Variants in NRCAM observed in about 807,000 individuals in gnomAD.
NRCAM encodes the protein neuronal cell adhesion molecule, also known as NgCAM-related cell adhesion molecule.
A neutral mutation model predicts 156.5 loss-of-function variants in NRCAM; 83 were observed. The observed-to-expected ratio is 0.53, with a 90% CI of 0.44 to 0.64. NRCAM has a LOEUF of 0.64. NRCAM is among the 30% of genes least tolerant of loss of function. The pLI is 0.00. For missense variants in NRCAM, 1,417 were observed against 1,597.3 expected (o/e 0.89, Z 1.92); for synonymous variants, 538 against 563.9 (o/e 0.95, Z 0.65).
At chr7:108,453,508 A>G (rs922247073) in intron 1 of NRCAM, among the ~76,000 whole-genome samples, 1 of 152,204 alleles carries the variant, frequency 6.6e-6, no homozygotes, top group African/African-American at 2.4e-5. Context: ...TGTAAGGGCA[A>G]TGGCCTTCAG....
intron 9 of NRCAM, 56 bp downstream of exon 9, chr7:108,226,152 T>G: frequency 2.4e-6 from 3 of 1,250,678 alleles, no homozygotes; most frequent in Non-Finnish European, 3.3e-6. Context: ...GTTTCTATAT[T>G]TTGCACATAT....
At chr7:108,328,040 C>T (rs2154238290) in intron 2 of NRCAM, among the ~76,000 whole-genome samples, 1 of 152,320 alleles carries the variant, frequency 6.6e-6, no homozygotes, top group African/African-American at 2.4e-5. Flanking sequence ...AAAATTACAT[C>T]TTAACACACC....
At chr7:108,387,796 A>C (rs1227508689) in intron 2 of NRCAM, among the ~76,000 whole-genome samples, 2 of 148,038 alleles carry the variant, frequency 1.4e-5, no homozygotes, top group Non-Finnish European at 3.0e-5. Flanking sequence ...CCTATGAGTG[A>C]GAACATGCAG....
chr7:108,252,567 C>A (rs1478508367), intron 3 of NRCAM, among the ~76,000 whole-genome samples: 1 of 152,196 alleles, frequency 6.6e-6, no homozygotes, highest in Non-Finnish European at 1.5e-5. Context: ...CCAGAAATAG[C>A]TGCAGAAGGC....
Position 108,261,345 on chromosome 7 carries a change from G to A in NRCAM, c.-106-21175C>T, listed in dbSNP as rs141616516. Among the ~76,000 whole-genome samples, 45 of 152,250 alleles carry A rather than the reference G, an allele frequency of 3.0e-4. No homozygotes were observed. The Middle Eastern group carries it at 0.01, about 35-fold the overall frequency. ...TTTGTTTTCAGCATATATCACCACC[G>A]CCTAAGTTAGGTCTGTTGTCCAGTA... On this transcript the variant is annotated intron_variant, in intron 3 of 32. Coordinates refer to ENST00000379028, the MANE Select transcript of NRCAM (RefSeq NM_001037132.4).
rs1294887992 is a variant in NRCAM at position 108,406,005 on chromosome 7, C to G, written c.-331-6412G>C. ...AGAGATACTTTACAGTCTAAGAAGC[C>G]AGTCCCCAAGGGACTGCTGTGTTCC... is the stretch of plus-strand genomic sequence containing the variant. On this transcript the variant is annotated intron_variant, in intron 1 of 32. Coordinates refer to ENST00000379028, the MANE Select transcript of NRCAM (RefSeq NM_001037132.4). Among the ~76,000 whole-genome samples, 4 of 151,408 alleles carry G rather than the reference C, an allele frequency of 2.6e-5. No homozygotes were observed. In the East Asian group the frequency reaches 7.8e-4, roughly 29 times the overall value.
chr7:108,196,789 T>C (rs1022265072), intron 14 of NRCAM, among the ~76,000 whole-genome samples: 1 of 152,168 alleles, frequency 6.6e-6, no homozygotes, highest in South Asian at 2.1e-4. Context: ...TTATACTGTT[T>C]ATACTCAAAA....
intron 3 of NRCAM, among the ~76,000 whole-genome samples, chr7:108,261,934 G>T (rs75113824): frequency 3.9e-3 from 588 of 152,208 alleles, no homozygotes; most frequent in Non-Finnish European, 4.6e-3. Flanking sequence ...TCATCCCCTG[G>T]CAGACAGTTC....
intron 3 of NRCAM, among the ~76,000 whole-genome samples, chr7:108,310,362 A>G (rs1036706323): frequency 6.6e-6 from 1 of 152,210 alleles, no homozygotes; most frequent in Non-Finnish European, 1.5e-5. Context: ...CAAGGTTTTC[A>G]ATGCAGGTAG....
At chr7:108,318,671 G>A (rs572505621) in intron 2 of NRCAM, among the ~76,000 whole-genome samples, 2 of 152,232 alleles carry the variant, frequency 1.3e-5, no homozygotes, top group African/African-American at 4.8e-5. Context: ...TGTGGAGAAG[G>A]TGGTGATAAG....
chr7:108,198,093 G>A lies in NRCAM; in HGVS notation c.1214C>T (p.Pro405Leu), dbSNP rs559209446. The A allele has an allele frequency of 1.2e-5, 19 of 1,598,682 alleles. No homozygotes were observed. In the East Asian group the frequency reaches 4.1e-4, roughly 34 times the overall value. ...ATCTATTTTTCTGCTGGGGTCATCA[G>A]GGGCAACTGTTTGGATGTAAAAATA... ...LTNGVPIEIA[P>L]DDPSRKIDGD... The change falls in exon 14 of 33, where the codon CCT becomes CTT. Residue 405 changes from proline to leucine, a missense_variant. Pro to Leu is a moderately conservative substitution (Grantham distance 98). Around this residue, in one of 2 missense-constraint regions of NRCAM, gnomAD observed 1,238 missense variants for 1,336.4 expected, o/e 0.93. Transcript: ENST00000379028.
At position 108,175,333 on chromosome 7, in the gene NRCAM, C is replaced by T. The variant is rs371800533; in HGVS notation, c.3176G>A (p.Gly1059Asp). The change falls in exon 28 of 33, where the codon GGT becomes GAT. Residue 1059 changes from glycine to aspartate, a missense_variant. Around this residue, in one of 2 missense-constraint regions of NRCAM, gnomAD observed 1,238 missense variants for 1,336.4 expected, o/e 0.93. Transcript: ENST00000379028. ...DEAGILPPDVGAGKVQAVNPR... is the reference protein window; with the variant it reads ...DEAGILPPDVDAGKVQAVNPR... ...ATGAATTATTTTACCTTTGCCTGCA[C>T]CTACATCAGGTGGAAGAATACCAGC... 9 of 1,560,334 alleles carry T rather than the reference C, an allele frequency of 5.8e-6. No homozygotes were observed. Among genetic ancestry groups the T allele is most frequent in the Non-Finnish European group, 7.8e-6 (9 of 1,151,346 alleles).
intron 6 of NRCAM, 81 bp from the exon 7 acceptor site, chr7:108,232,603 G>T: frequency 1.0e-6 from 1 of 958,594 alleles, no homozygotes; most frequent in Non-Finnish European, 1.5e-6. Context: ...CAGTTTTATG[G>T]GTTTCTAGAA....
At chr7:108,268,148 G>T (rs1268544664) in intron 3 of NRCAM, among the ~76,000 whole-genome samples, 1 of 152,102 alleles carries the variant, frequency 6.6e-6, no homozygotes, top group African/African-American at 2.4e-5. Flanking sequence ...GAGATAAAAA[G>T]ACTATATTCT....
chr7:108,403,173 A>C (rs892963571), intron 1 of NRCAM, among the ~76,000 whole-genome samples: 7 of 152,218 alleles, frequency 4.6e-5, no homozygotes, highest in Non-Finnish European at 1.0e-4. Context: ...CTGACAGTTA[A>C]TATTTCTCTA....
rs371426841 is a variant in NRCAM at position 108,215,360 on chromosome 7, C to T, written c.891-5755G>A. On this transcript the variant is annotated intron_variant, in intron 11 of 32. Transcript: ENST00000379028. The stretch of plus-strand genomic sequence containing the variant: ...CCCAAGTAGCTGGGACTACAGGTGC[C>T]TGCCACCATGCCTAGCTAATTTTTT... 2.2e-3 allele frequency among the ~76,000 whole-genome samples: 336 copies of T among 151,982 alleles called. 2 individuals carry two copies. The highest frequency in any genetic ancestry group is 7.9e-3 in the African/African-American group (326 of 41,462).
intron 11 of NRCAM, among the ~76,000 whole-genome samples, chr7:108,221,223 T>A (rs1296778772): frequency 1.3e-5 from 2 of 152,146 alleles, no homozygotes; most frequent in Non-Finnish European, 2.9e-5. Flanking sequence ...GATGCGGTTA[T>A]CAGGGAACAC....
At chr7:108,377,105 A>C (rs988590997) in intron 2 of NRCAM, among the ~76,000 whole-genome samples, 2 of 152,200 alleles carry the variant, frequency 1.3e-5, no homozygotes, top group Admixed American at 6.5e-5. Flanking sequence ...TTGAGGTTGC[A>C]GTGAGCCATG....
chr7:108,306,461 C>T (rs2193241), intron 3 of NRCAM, among the ~76,000 whole-genome samples: 81,191 of 152,056 alleles, frequency 0.53, 23,253 homozygotes, highest in East Asian at 0.82. Context: ...CCCAGCACCA[C>T]TGGGCCATTT....
Sources: gnomAD v4.1 joint callset for allele counts (sites outside exome capture counted in the v4.1 genomes callset) on GRCh38, gnomAD v4.1.1 for gene constraint, gnomAD v4.1.1 regional missense constraint, MANE v1.5 for transcripts, NCBI Gene and HGNC (gene_info 2026-07-23, HGNC 2026-07-21) for gene names.